The following WFS1 variants were observed in gnomAD, a reference collection of about 807,000 sequenced individuals.
The protein encoded by WFS1 is wolframin.
A neutral mutation model predicts 68.5 loss-of-function variants in WFS1; 90 were observed. The observed-to-expected ratio is 1.31, with a 90% CI of 1.11 to 1.56. The LOEUF (loss-of-function observed/expected upper bound fraction) is 1.56. Among genes scored for constraint, WFS1 ranks in the 40% most tolerant of loss-of-function variants. The probability of loss-of-function intolerance (pLI) is 0.00; values close to 1 mark genes in which losing one functional copy is unlikely to be tolerated. For missense variants in WFS1, 1,767 were observed against 1,232.6 expected (o/e 1.43, Z -6.49); for synonymous variants, 860 against 540.7 (o/e 1.59, Z -8.19).
intron 7 of WFS1, among the ~76,000 whole-genome samples, chr4:6,299,349 G>A (rs1405150728): frequency 6.6e-6 from 1 of 152,204 alleles, no homozygotes; most frequent in Non-Finnish European, 1.5e-5. Flanking sequence ...CAGAGCAGGG[G>A]AGCAGGACCC....
chr4:6,270,891 T>A (rs1266958554), intron 1 of WFS1, among the ~76,000 whole-genome samples: 1 of 152,182 alleles, frequency 6.6e-6, no homozygotes, highest in African/African-American at 2.4e-5. Context: ...CAGCAGGGTT[T>A]GGTGCCAGCC....
chr4:6,278,881 A>C (rs1730073199), intron 2 of WFS1, among the ~76,000 whole-genome samples: 1 of 152,270 alleles, frequency 6.6e-6, no homozygotes, highest in Admixed American at 6.5e-5. Flanking sequence ...AACAGATACC[A>C]GGGCTCGGAA....
rs1040106557 is a variant in WFS1 at position 6,277,523 on chromosome 4, C to G, written c.68C>G (p.Ala23Gly). The G allele has an allele frequency of 3.2e-6, 5 of 1,584,560 alleles. No homozygotes were observed. The South Asian group carries it at 5.8e-5, about 18-fold the overall frequency. ...CCCCCGCCAGCACCGCAGCCCCAGGCGCGTTCCCGACTCAATGCCACAGCC... is the reference window on the plus strand; with the variant it reads ...CCCCCGCCAGCACCGCAGCCCCAGGGGCGTTCCCGACTCAATGCCACAGCC... ...PQPPPAPQPQ[A>G]RSRLNATASL... The change falls in exon 2 of 8, where the codon GCG becomes GGG. Residue 23 changes from alanine (A) to glycine (G), a missense_variant. Coordinates refer to ENST00000226760, the MANE Select transcript of WFS1 (RefSeq NM_006005.3).
Position 6,302,802 on chromosome 4 carries a change from C to T in WFS1, c.*334C>T, listed in dbSNP as rs909130996. 2.3e-6 allele frequency: 1 copy of T among 430,006 alleles called. No homozygotes were observed. The allele number at this position is 430,006 out of a possible 1,614,324, so 26.6% of individuals were successfully genotyped here. On this transcript the variant is annotated 3_prime_UTR_variant, in exon 8 of 8. Transcript: ENST00000226760. ...ACAGATGAGATTCCCTCTCCTCCCCCACCTTCAAGCACCCTGTTCCCTCTT... is the reference window on the plus strand; with the variant it reads ...ACAGATGAGATTCCCTCTCCTCCCCTACCTTCAAGCACCCTGTTCCCTCTT...
chr4:6,300,378 C>T (rs766553628), intron 7 of WFS1, among the ~76,000 whole-genome samples: 2 of 152,064 alleles, frequency 1.3e-5, no homozygotes, highest in Non-Finnish European at 2.9e-5. Context: ...GGGAGAGAAG[C>T]ACACATGCAT....
Position 6,272,558 on chromosome 4 carries a change from G to C in WFS1, c.-6+2544G>C, listed in dbSNP as rs567893278. ...AGGCCAGGCCAGAGCAGACATCCCA[G>C]GGCCAGGACCTCCTGGGCCTGCTCC... On this transcript the variant is annotated intron_variant, in intron 1 of 7. Transcript: ENST00000226760. Among the ~76,000 whole-genome samples the C allele has an allele frequency of 9.8e-5, 15 of 152,350 alleles. 1 individual carries two copies. The South Asian group carries it at 2.3e-3, about 23-fold the overall frequency.
rs138943052 is a variant in WFS1 at position 6,271,259 on chromosome 4, CT to C, written c.-6+1246del. 8.1e-3 allele frequency among the ~76,000 whole-genome samples: 1,227 copies of C among 152,328 alleles called. 18 individuals are homozygous for C. Among genetic ancestry groups the C allele is most frequent in the African/African-American group, 0.028 (1,164 of 41,560 alleles). On this transcript the variant is annotated intron_variant, in intron 1 of 7. Coordinates refer to ENST00000226760, the MANE Select transcript of WFS1 (RefSeq NM_006005.3). Reference sequence around the variant, plus strand: ...GAGGGAGGCTTCTCCACATTTCAGCCTCTTTTCCCTACCTGCTGGTTTGTCC... The same window carrying C: ...GAGGGAGGCTTCTCCACATTTCAGCCCTTTTCCCTACCTGCTGGTTTGTCC...
At chr4:6,272,177 T>C (rs1729862226) in intron 1 of WFS1, among the ~76,000 whole-genome samples, 1 of 152,212 alleles carries the variant, frequency 6.6e-6, no homozygotes, top group Non-Finnish European at 1.5e-5. Context: ...CCTTCCCATC[T>C]AGATGAAGCT....
rs746870386 is a variant in WFS1, at chr4:6,300,708, G to A, written c.913G>A (p.Asp305Asn). 4 of 1,614,020 alleles carry A rather than the reference G, an allele frequency of 2.5e-6. No individual in the cohort carries two copies. Among genetic ancestry groups the A allele is most frequent in the Non-Finnish European group, 3.4e-6 (4 of 1,179,976 alleles). The change falls in exon 8 of 8, where the codon GAC becomes AAC. Residue 305 changes from aspartate to asparagine, a missense_variant. Transcript: ENST00000226760. ...CATGGAGATCAAGGAGTACCTGATT[G>A]ACATGGCCTCCAGGGCAGGCATGCA... Reference protein sequence around the residue: ...AIMEIKEYLIDMASRAGMHWL... With the variant: ...AIMEIKEYLINMASRAGMHWL...
chr4:6,302,644 G>A lies in WFS1; in HGVS notation c.*176G>A, dbSNP rs902137854. 1.2e-6 allele frequency: 1 copy of A among 865,436 alleles called. No homozygotes were observed. Among genetic ancestry groups the A allele is most frequent in the Non-Finnish European group, 1.8e-6 (1 of 566,508 alleles). 53.6% of individuals were successfully genotyped at this position (865,436 alleles called of 1,614,324 possible). ...GGACCCCGACAAAGGGAAGGCTGCTGTGTAGCTCTGTCCACTCTGAATACC... is the reference window on the plus strand; with the variant it reads ...GGACCCCGACAAAGGGAAGGCTGCTATGTAGCTCTGTCCACTCTGAATACC... On this transcript the variant is annotated 3_prime_UTR_variant, in exon 8 of 8. Transcript: ENST00000226760.
chr4:6,286,310 C>T (rs1730306854), intron 2 of WFS1, among the ~76,000 whole-genome samples: 1 of 152,168 alleles, frequency 6.6e-6, no homozygotes, highest in African/African-American at 2.4e-5. Flanking sequence ...GATGGCTTTA[C>T]GGTGGAATTA....
chr4:6,275,611 G>T (rs977449893), intron 1 of WFS1, among the ~76,000 whole-genome samples: 1 of 102,486 alleles, frequency 9.8e-6, no homozygotes, highest in African/African-American at 3.7e-5. Context: ...GGGGGGGGGG[G>T]TGTGCTTGAC....
chr4:6,295,760 A>G (rs1168220717), intron 7 of WFS1, among the ~76,000 whole-genome samples: 1 of 152,168 alleles, frequency 6.6e-6, no homozygotes, highest in Non-Finnish European at 1.5e-5. Context: ...GGCAGGAGGA[A>G]AGCGGGGAGC....
Position 6,301,012 on chromosome 4 carries a change from C to G in WFS1, c.1217C>G (p.Ala406Gly). 1 of 1,614,018 alleles carries G rather than the reference C, an allele frequency of 6.2e-7. No homozygotes were observed. The highest frequency in any genetic ancestry group is 8.5e-7 in the Non-Finnish European group (1 of 1,180,024). The change falls in exon 8 of 8, where the codon GCC becomes GGC. Residue 406 changes from alanine (A) to glycine (G), a missense_variant. Ala to Gly is a moderately conservative substitution (Grantham distance 60). Coordinates refer to ENST00000226760, the MANE Select transcript of WFS1 (RefSeq NM_006005.3). Reference sequence around the variant, plus strand: ...GGCTGGAACCACCTGGAGCCCTATGCCCATTTCCTGCTCTCTGTCTTCTTC... The same window carrying G: ...GGCTGGAACCACCTGGAGCCCTATGGCCATTTCCTGCTCTCTGTCTTCTTC... ...NFGWNHLEPYAHFLLSVFFVI... is the reference protein window; with the variant it reads ...NFGWNHLEPYGHFLLSVFFVI...
At chr4:6,293,762 G>C (rs1040522858) in intron 6 of WFS1, among the ~76,000 whole-genome samples, 1 of 152,186 alleles carries the variant, frequency 6.6e-6, no homozygotes, top group African/African-American at 2.4e-5. Context: ...TGGGGACCAG[G>C]GTCTTCCCGT....
In WFS1 at chr4:6,287,189, T is replaced by G; in HGVS notation, c.315+14T>G. On this transcript the variant is annotated intron_variant, in intron 3 of 7. Transcript: ENST00000226760. This position sits in a 1 kb window ranked among gnomAD's most constrained non-coding sequence, Gnocchi z 6.4. Reference sequence around the variant, plus strand: ...GCACAGACTGAGGTGAGGACTGCGGTGCCGGCAGGGACTTCGGGACGCGGC... The same window carrying G: ...GCACAGACTGAGGTGAGGACTGCGGGGCCGGCAGGGACTTCGGGACGCGGC... 6.4e-7 allele frequency: 1 copy of G among 1,553,578 alleles called. No individual in the cohort carries two copies. Among genetic ancestry groups the G allele is most frequent in the South Asian group, 1.2e-5 (1 of 84,316 alleles).
intron 7 of WFS1, among the ~76,000 whole-genome samples, chr4:6,298,570 GCA>G (rs1730713785): frequency 1.3e-5 from 2 of 152,048 alleles, no homozygotes; most frequent in Admixed American, 1.3e-4. Context: ...AGACGTGCAT[GCA>G]CACACTCCTA....
chr4:6,277,570 G>A lies in WFS1; in HGVS notation c.115G>A (p.Glu39Lys), dbSNP rs774330485. The part of the protein sequence containing the change: ...ATASLEQERS[E>K]RPRAPGPQAG... ...AGCCTCGTTGGAGCAGGAGAGGAGCGAAAGGCCCCGAGCACCCGGACCCCA... is the reference window on the plus strand; with the variant it reads ...AGCCTCGTTGGAGCAGGAGAGGAGCAAAAGGCCCCGAGCACCCGGACCCCA... Residue 39 changes from glutamate (E) to lysine (K), a missense_variant, in exon 2 of 8, where the codon GAA becomes AAA. Physicochemically the swap from Glu to Lys is moderately conservative, Grantham distance 56 (BLOSUM62 1). Transcript: ENST00000226760. 2.5e-6 allele frequency: 4 copies of A among 1,586,102 alleles called. No homozygotes were observed. The highest frequency in any genetic ancestry group is 3.6e-5 in the Admixed American group (2 of 56,240).
intron 2 of WFS1, among the ~76,000 whole-genome samples, chr4:6,282,554 C>T (rs1055317588): frequency 2.0e-5 from 3 of 152,200 alleles, no homozygotes; most frequent in African/African-American, 7.2e-5. Flanking sequence ...TAAGATCGCA[C>T]TCTTAAGAGC....
Sources: allele counts gnomAD v4.1 joint callset (sites outside exome capture counted in the v4.1 genomes callset), GRCh38; gene constraint gnomAD v4.1.1; non-coding constraint Gnocchi (gnomAD v3.1); transcripts MANE v1.5; gene names NCBI Gene and HGNC (gene_info 2026-07-23, HGNC 2026-07-21).